The following TET2 variants were observed in gnomAD, a reference collection of about 807,000 sequenced individuals.
TET2 encodes methylcytosine dioxygenase TET2.
A neutral mutation model predicts 142.9 loss-of-function variants in TET2; 299 were observed. That is an observed-to-expected ratio of 2.09 (90% CI 1.90 to 2.30). The LOEUF is 2.30. Among genes scored for constraint, TET2 ranks in the 30% most tolerant of loss-of-function variants. TET2 has a pLI of 0.00. For missense variants in TET2, 2,418 were observed against 2,378.0 expected, an observed-to-expected ratio of 1.02 and a Z score of -0.35; for synonymous variants, 819 against 849.0, an observed-to-expected ratio of 0.96 and a Z score of 0.61.
At chr4:105,240,475 G>A in intron 3 of TET2, 5 of 1,076,820 alleles carry the variant, frequency 4.6e-6, no homozygotes, top group Non-Finnish European at 5.7e-6. Flanking sequence ...AAAGACATTT[G>A]AAAAGACAAA....
intron 6 of TET2, among the ~76,000 whole-genome samples, chr4:105,256,523 T>A (rs1470937499): frequency 1.3e-5 from 2 of 152,140 alleles, no homozygotes; most frequent in African/African-American, 4.8e-5. Context: ...TTTTCATGAT[T>A]TTCTTGTGTT....
At chr4:105,257,732 G>A (rs770212463) in intron 6 of TET2, among the ~76,000 whole-genome samples, 12 of 152,114 alleles carry the variant, frequency 7.9e-5, no homozygotes, top group Non-Finnish European at 1.6e-4. Flanking sequence ...CATTTCCCAG[G>A]TAATTTACTT....
chr4:105,241,418 C>T lies in TET2; in HGVS notation c.3489C>T (p.Ile1163=), dbSNP rs1342938737. The change falls in exon 4 of 11, where the codon ATC becomes ATT. Residue 1163 remains isoleucine, a synonymous_variant. Transcript: ENST00000380013. The stretch of plus-strand genomic sequence containing the variant: ...CTAATGTGGCAGCTATTAGAGAAAT[C>T]ATGGAAGAAAGGTAATTAACGCAAA... The part of the protein sequence containing the change: ...AGPNVAAIRE[I]MEERFGQKGK... 6.5e-7 allele frequency: 1 copy of T among 1,549,636 alleles called. No individual in the cohort carries two copies. The highest frequency in any genetic ancestry group is 8.7e-7 in the Non-Finnish European group (1 of 1,146,398).
At chr4:105,229,637 T>C (rs1169011908) in intron 2 of TET2, among the ~76,000 whole-genome samples, 1 of 150,608 alleles carries the variant, frequency 6.6e-6, no homozygotes, top group African/African-American at 2.5e-5. Flanking sequence ...GTAATACACA[T>C]GCTTGGAAGT....
intron 1 of TET2, among the ~76,000 whole-genome samples, chr4:105,154,373 A>G (rs1723459496): frequency 6.6e-6 from 1 of 152,240 alleles, no homozygotes; most frequent in Non-Finnish European, 1.5e-5. Flanking sequence ...ATCTCATGCA[A>G]AAGAAATGCA....
chr4:105,226,460 C>T (rs1332647083), intron 2 of TET2, among the ~76,000 whole-genome samples: 1 of 152,030 alleles, frequency 6.6e-6, no homozygotes, highest in Non-Finnish European at 1.5e-5. Context: ...AATATAATCC[C>T]CAGTGTTGGA....
intron 1 of TET2, among the ~76,000 whole-genome samples, chr4:105,163,922 C>G (rs1724020064): frequency 6.7e-6 from 1 of 149,468 alleles, no homozygotes; most frequent in African/African-American, 2.5e-5. Context: ...GACAAGTAAA[C>G]AGTCCACAAA....
intron 1 of TET2, among the ~76,000 whole-genome samples, chr4:105,184,051 T>C (rs940930452): frequency 1.3e-5 from 2 of 152,186 alleles, no homozygotes; most frequent in Admixed American, 6.5e-5. Context: ...ACATCCTTCA[T>C]TGGCCCAGTC....
intron 2 of TET2, among the ~76,000 whole-genome samples, chr4:105,200,346 TA>T (rs932083859): frequency 3.3e-5 from 5 of 152,192 alleles, no homozygotes; most frequent in African/African-American, 1.2e-4. Context: ...TCTTCTTTTG[TA>T]AAGTGTCTGT....
Position 105,160,651 on chromosome 4 carries a change from G to A in TET2, c.-193+13672G>A, listed in dbSNP as rs561763224. ...AATTACACTACCTTTCTAAAGATAGGAAAAATCAGAGTCTCTGAAATGTAA... is the reference window on the plus strand; with the variant it reads ...AATTACACTACCTTTCTAAAGATAGAAAAAATCAGAGTCTCTGAAATGTAA... On this transcript the variant is annotated intron_variant, in intron 1 of 10. Transcript: ENST00000380013. 1.4e-4 allele frequency among the ~76,000 whole-genome samples: 22 copies of A among 152,246 alleles called. No homozygotes were observed. The South Asian group carries it at 4.6e-3, about 32-fold the overall frequency.
intron 1 of TET2, among the ~76,000 whole-genome samples, chr4:105,187,783 T>C (rs180937170): frequency 3.9e-5 from 6 of 152,326 alleles, no homozygotes; most frequent in Admixed American, 2.0e-4. Context: ...TTGCATATGA[T>C]TATTTATAAC....
rs1728836945 is a variant in TET2 at position 105,235,797 on chromosome 4, G to C, written c.1855G>C (p.Ala619Pro). Residue 619 changes from alanine to proline, a missense_variant, in exon 3 of 11, where the codon GCT becomes CCT. Coordinates refer to ENST00000380013, the MANE Select transcript of TET2 (RefSeq NM_001127208.3). ...CATGCCTGGGGGGCTCCCAAGGCAA[G>C]CTTACACCCAGAAAACAACACAGCT... ...SNMPGGLPRQ[A>P]YTQKTTQLEH... is the part of the protein sequence containing the mutation. 1 of 1,613,948 alleles carries C rather than the reference G, an allele frequency of 6.2e-7. No homozygotes were observed. Among genetic ancestry groups the C allele is most frequent in the Non-Finnish European group, 8.5e-7 (1 of 1,180,014 alleles).
intron 2 of TET2, among the ~76,000 whole-genome samples, chr4:105,232,360 A>G (rs1316298993): frequency 6.6e-6 from 1 of 152,186 alleles, no homozygotes; most frequent in Non-Finnish European, 1.5e-5. Context: ...AGAATGATTT[A>G]TATCCCTTTG....
chr4:105,200,287 G>T (rs1249156443), intron 2 of TET2, among the ~76,000 whole-genome samples: 2 of 151,984 alleles, frequency 1.3e-5, no homozygotes, highest in African/African-American at 4.8e-5. Context: ...TTTCTCTAAT[G>T]ATCAGTGATG....
intron 2 of TET2, among the ~76,000 whole-genome samples, chr4:105,204,266 C>CACACACACACACACAT (rs1443852779): frequency 1.9e-4 from 26 of 140,082 alleles, no homozygotes; most frequent in African/African-American, 7.7e-4. Flanking sequence ...CACACACACA[C>CACACACACACACACAT]ACATACATAC....
In TET2 at chr4:105,230,048, T is replaced by C. The variant is rs954990423; in HGVS notation, c.-46-3849T>C. Among the ~76,000 whole-genome samples, 2 of 152,036 alleles carry C rather than the reference T, an allele frequency of 1.3e-5. 1 individual carries two copies. The highest frequency in any genetic ancestry group is 1.3e-4 in the Admixed American group (2 of 15,254). ...TGAGCATATTTGTCAGATATATATA[T>C]ATATATTTTTTGAGACAGTGTCTCA... is the stretch of plus-strand genomic sequence containing the variant. On this transcript the variant is annotated intron_variant, in intron 2 of 10. Transcript: ENST00000380013.
chr4:105,235,236 G>A lies in TET2; in HGVS notation c.1294G>A (p.Glu432Lys), dbSNP rs2110226347. The change falls in exon 3 of 11, where the codon GAA (glutamate) becomes AAA (lysine). Residue 432 changes from glutamate (E) to lysine (K), a missense_variant. By Grantham distance (56) the Glu-to-Lys change is moderately conservative. Transcript: ENST00000380013. ...AAGCACTCTGAATGGTGGAGTTTTA[G>A]AAGAACACCACCACTACCCCAACCA... ...GKSTLNGGVL[E>K]EHHHYPNQSN... 1 of 1,613,800 alleles carries A rather than the reference G, an allele frequency of 6.2e-7. No individual in the cohort carries two copies.
intron 2 of TET2, among the ~76,000 whole-genome samples, chr4:105,231,180 C>G (rs1186939328): frequency 6.6e-6 from 1 of 152,046 alleles, no homozygotes; most frequent in Non-Finnish European, 1.5e-5. Flanking sequence ...CCATACAATT[C>G]TTTTTCAGAA....
At chr4:105,271,104 G>GT (rs1035186991) in intron 9 of TET2, among the ~76,000 whole-genome samples, 18 of 152,188 alleles carry the variant, frequency 1.2e-4, no homozygotes, top group African/African-American at 3.9e-4. Flanking sequence ...GTTTGGTGGG[G>GT]TTTTTTTGTT....
Sources: allele counts gnomAD v4.1 joint callset (sites outside exome capture counted in the v4.1 genomes callset), GRCh38; gene constraint gnomAD v4.1.1; transcripts MANE v1.5; gene names NCBI Gene and HGNC (gene_info 2026-07-23, HGNC 2026-07-21).